Variants in DPP10 observed in about 807,000 individuals in gnomAD.
The protein encoded by DPP10 is inactive dipeptidyl peptidase 10.
Under a neutral mutation model 120.9 loss-of-function variants are expected in DPP10, and 33 were observed. The ratio of observed to expected loss-of-function variants is 0.27; its 90% confidence interval spans 0.21 to 0.37. DPP10 has a LOEUF of 0.37. DPP10 is among the 10% of genes least tolerant of loss of function. The probability of loss-of-function intolerance (pLI) is 1.00; values close to 1 mark genes in which losing one functional copy is unlikely to be tolerated. For synonymous variants in DPP10, 337 were observed against 326.1 expected, an observed-to-expected ratio of 1.03 and a Z score of -0.36; for missense variants, 816 against 942.8, an observed-to-expected ratio of 0.87 and a Z score of 1.76.
intron 1 of DPP10, among the ~76,000 whole-genome samples, chr2:115,110,662 AT>A (rs1360021115): frequency 6.6e-6 from 1 of 152,092 alleles, no homozygotes; most frequent in African/African-American, 2.4e-5. Flanking sequence ...AGACTATAAA[AT>A]TTCTCACATA....
intron 1 of DPP10, among the ~76,000 whole-genome samples, chr2:114,473,737 T>A (rs1296185076): frequency 6.6e-6 from 1 of 152,192 alleles, no homozygotes; most frequent in Non-Finnish European, 1.5e-5. Context: ...GGTAACTGTA[T>A]AATATTTTTG....
chr2:114,745,836 T>C (rs1414908938), intron 1 of DPP10, among the ~76,000 whole-genome samples: 1 of 152,222 alleles, frequency 6.6e-6, no homozygotes, highest in Non-Finnish European at 1.5e-5. Context: ...AGGAGGCCTC[T>C]GGAACTGGCC....
At chr2:114,621,361 T>C (rs1335883861) in intron 1 of DPP10, among the ~76,000 whole-genome samples, 1 of 152,030 alleles carries the variant, frequency 6.6e-6, no homozygotes, top group Non-Finnish European at 1.5e-5. Context: ...TTTCTTGCAC[T>C]GTGCTAATAT....
chr2:115,063,749 C>T (rs868178405), intron 1 of DPP10, among the ~76,000 whole-genome samples: 1 of 152,136 alleles, frequency 6.6e-6, no homozygotes, highest in African/African-American at 2.4e-5. Context: ...TTCCTTACAC[C>T]TTATACAAAA....
intron 1 of DPP10, among the ~76,000 whole-genome samples, chr2:114,845,360 A>G (rs1325915008): frequency 6.6e-6 from 1 of 152,186 alleles, no homozygotes; most frequent in Admixed American, 6.6e-5. Flanking sequence ...AGAACTCTTA[A>G]CTTTCTGCTT....
chr2:114,590,503 A>G (rs1367617511), intron 1 of DPP10, among the ~76,000 whole-genome samples: 1 of 152,228 alleles, frequency 6.6e-6, no homozygotes, highest in Admixed American at 6.5e-5. Flanking sequence ...ATACATGTTA[A>G]GTTTAATGTG....
intron 2 of DPP10, among the ~76,000 whole-genome samples, chr2:115,334,230 G>GTTTTTTGTTTTTTTTTT: frequency 1.8e-5 from 1 of 56,412 alleles, no homozygotes; most frequent in Admixed American, 2.5e-4. Context: ...AGCAGACTCT[G>GTTTTTTGTTTTTTTTTT]TTTTTTTTTT....
chr2:114,480,346 C>G (rs1040159282), intron 1 of DPP10, among the ~76,000 whole-genome samples: 4 of 151,936 alleles, frequency 2.6e-5, no homozygotes, highest in African/African-American at 9.7e-5. Context: ...CCCAGCCATC[C>G]CGTTACTGGG....
chr2:114,446,103 C>T (rs1677929421), intron 1 of DPP10, among the ~76,000 whole-genome samples: 2 of 152,268 alleles, frequency 1.3e-5, no homozygotes, highest in South Asian at 2.1e-4. Flanking sequence ...CAGATCTTTG[C>T]GTTATTATAA....
At chr2:114,581,207 G>T (rs2105086050) in intron 1 of DPP10, among the ~76,000 whole-genome samples, 2 of 98,364 alleles carry the variant, frequency 2.0e-5, no homozygotes, top group Non-Finnish European at 3.6e-5. Flanking sequence ...TTTTGAGACA[G>T]TCTCTCTCTG....
At chr2:115,176,281 T>A (rs978827388) in intron 1 of DPP10, among the ~76,000 whole-genome samples, 6 of 144,394 alleles carry the variant, frequency 4.2e-5, no homozygotes, top group South Asian at 2.1e-4. Flanking sequence ...TTATAAAAAA[T>A]TTAAATATAT....
chr2:115,581,883 A>G (rs987079236), intron 5 of DPP10, among the ~76,000 whole-genome samples: 1 of 152,186 alleles, frequency 6.6e-6, no homozygotes, highest in African/African-American at 2.4e-5. Flanking sequence ...ATATGCATCT[A>G]GAGGCGTTAC....
At chr2:115,416,474 C>G (rs751214520) in intron 3 of DPP10, among the ~76,000 whole-genome samples, 1 of 152,042 alleles carries the variant, frequency 6.6e-6, no homozygotes, top group South Asian at 2.1e-4. Context: ...ATGACTAAGT[C>G]TAGCCAAAGC....
intron 4 of DPP10, among the ~76,000 whole-genome samples, chr2:115,525,010 A>C (rs1192391482): frequency 2.0e-5 from 3 of 152,148 alleles, no homozygotes; most frequent in Non-Finnish European, 2.9e-5. Context: ...AGAAACTCTG[A>C]CTTTACACTT....
intron 1 of DPP10, among the ~76,000 whole-genome samples, chr2:114,829,991 G>A (rs1686942821): frequency 6.6e-6 from 1 of 151,952 alleles, no homozygotes; most frequent in Non-Finnish European, 1.5e-5. Context: ...AAGCTCTGCT[G>A]CCCTGGGCCT....
At chr2:114,782,583 G>A (rs1682432492) in intron 1 of DPP10, among the ~76,000 whole-genome samples, 1 of 151,908 alleles carries the variant, frequency 6.6e-6, no homozygotes, top group South Asian at 2.1e-4. Flanking sequence ...AAGTTAAAGG[G>A]TCAATTGAGT....
At chr2:115,134,332 T>G (rs2050536051) in intron 1 of DPP10, among the ~76,000 whole-genome samples, 1 of 152,174 alleles carries the variant, frequency 6.6e-6, no homozygotes, top group Middle Eastern at 3.2e-3. Context: ...AGTAACTATT[T>G]GGACCCATTC....
chr2:114,509,229 G>T (rs1683936690), intron 1 of DPP10, among the ~76,000 whole-genome samples: 1 of 152,298 alleles, frequency 6.6e-6, no homozygotes, highest in South Asian at 2.1e-4. Flanking sequence ...GTTTGAACTA[G>T]GTTCAGCAGG....
chr2:115,533,032 T>A (rs67307325), intron 5 of DPP10, among the ~76,000 whole-genome samples: 29,063 of 151,942 alleles, frequency 0.19, 3,392 homozygotes, highest in East Asian at 0.39. Flanking sequence ...TCAATTTTTT[T>A]AAAATTTTTA....
Sources: allele counts gnomAD v4.1 joint callset (sites outside exome capture counted in the v4.1 genomes callset), GRCh38; gene constraint gnomAD v4.1.1; transcripts MANE v1.5; gene names NCBI Gene and HGNC (gene_info 2026-07-23, HGNC 2026-07-21).